Variants in IQGAP2 observed in about 807,000 individuals in gnomAD.
IQGAP2 encodes IQ motif containing GTPase activating protein 2.
Under a neutral mutation model 201.3 loss-of-function variants are expected in IQGAP2, and 173 were observed. The ratio of observed to expected loss-of-function variants is 0.86; its 90% CI spans 0.76 to 0.98. The LOEUF (loss-of-function observed/expected upper bound fraction) is 0.98. Among genes scored for constraint, IQGAP2 ranks in the 50% least tolerant of loss-of-function variants. The pLI is 0.00. For synonymous variants in IQGAP2, 675 were observed against 673.9 expected (o/e 1.00, Z -0.03); for missense variants, 1,687 against 1,864.8 (o/e 0.90, Z 1.76).
rs147926084 is a variant in IQGAP2, at chr5:76,702,052, G to A, written c.4506-430G>A. 5.5e-3 allele frequency: 844 copies of A among 152,680 alleles called. 8 individuals are homozygous for A. Among genetic ancestry groups the A allele is most frequent in the African/African-American group, 0.018 (751 of 41,546 alleles). The allele number at this position is 152,680 out of a possible 1,614,324, so 9.5% of individuals were successfully genotyped here. ...TTTCACCATGTTGGCCAGGTGATCCGCCCGCCTCGGCCTCTGAAAGTGCTG... is the reference window on the plus strand; with the variant it reads ...TTTCACCATGTTGGCCAGGTGATCCACCCGCCTCGGCCTCTGAAAGTGCTG... On this transcript the variant is annotated intron_variant, in intron 34 of 35. Transcript: ENST00000274364.
Position 76,698,085 on chromosome 5 carries a change from T to C in IQGAP2, c.4305T>C (p.Tyr1435=). 2 of 1,612,648 alleles carry C rather than the reference T, an allele frequency of 1.2e-6. No individual in the cohort carries two copies. The highest frequency in any genetic ancestry group is 1.3e-5 in the African/African-American group (1 of 75,034). The stretch of plus-strand genomic sequence containing the variant: ...CACTTAACAAGAAGGCAGCATTTTA[T>C]GAAGAGCAAATCAATTATTATGACA... ...LNALNKKAAF[Y]EEQINYYDTY... is the part of the protein sequence containing the mutation. Residue 1435 remains tyrosine (Y), a synonymous_variant, in exon 33 of 36, where the codon TAT becomes TAC. Coordinates refer to ENST00000274364, the MANE Select transcript of IQGAP2 (RefSeq NM_006633.5).
At chr5:76,697,645 G>T (rs1328638096) in intron 32 of IQGAP2, among the ~76,000 whole-genome samples, 1 of 152,010 alleles carries the variant, frequency 6.6e-6, no homozygotes, top group African/African-American at 2.4e-5. Flanking sequence ...AAAAAAAAAA[G>T]TCTGAAGAAA....
intron 2 of IQGAP2, among the ~76,000 whole-genome samples, chr5:76,533,694 C>A (rs1759457070): frequency 6.6e-6 from 1 of 152,094 alleles, no homozygotes; most frequent in Admixed American, 6.5e-5. Context: ...GCACCCACCA[C>A]ACCTGGCTAA....
chr5:76,455,164 AAC>A (rs1313791011), intron 1 of IQGAP2, among the ~76,000 whole-genome samples: 3 of 152,062 alleles, frequency 2.0e-5, no homozygotes, highest in African/African-American at 7.2e-5. Context: ...AAAACAAATG[AAC>A]AGTCTGATGC....
At chr5:76,426,953 T>C (rs1334402965) in intron 1 of IQGAP2, among the ~76,000 whole-genome samples, 1 of 148,782 alleles carries the variant, frequency 6.7e-6, no homozygotes, top group African/African-American at 2.5e-5. Flanking sequence ...TGCAGGACTT[T>C]ACTGAAAAAT....
At chr5:76,483,752 A>G (rs1239225322) in intron 2 of IQGAP2, among the ~76,000 whole-genome samples, 2 of 152,154 alleles carry the variant, frequency 1.3e-5, no homozygotes, top group Non-Finnish European at 1.5e-5. Flanking sequence ...TAAGTGCCAG[A>G]TTTATAATTT....
intron 21 of IQGAP2, among the ~76,000 whole-genome samples, chr5:76,661,794 T>TA (rs779938453): frequency 4.2e-4 from 64 of 152,154 alleles, no homozygotes; most frequent in Admixed American, 6.5e-4. Flanking sequence ...ACCCATATCT[T>TA]TTATGACTCC....
intron 1 of IQGAP2, among the ~76,000 whole-genome samples, chr5:76,459,865 T>C (rs1463817945): frequency 6.6e-6 from 1 of 152,126 alleles, no homozygotes; most frequent in Non-Finnish European, 1.5e-5. Context: ...AGTCTGGAAC[T>C]CCTGACTCAG....
At chr5:76,652,695 A>T in intron 17 of IQGAP2, 55 bp from the exon 18 acceptor site, 1 of 1,239,494 alleles carries the variant, frequency 8.1e-7, no homozygotes, top group Non-Finnish European at 1.2e-6. Flanking sequence ...TGCACTTCCT[A>T]GATAAATTGG....
In IQGAP2 at chr5:76,671,850, A is replaced by G; in HGVS notation, c.2935A>G (p.Asn979Asp). ...VSFNRGARGQ[N>D]TLRQLLAPVV... Reference sequence around the variant, plus strand: ...CTTCAATAGAGGTGCCCGGGGACAGAACACCCTGCGCCAACTCCTGGCTCC... The same window carrying G: ...CTTCAATAGAGGTGCCCGGGGACAGGACACCCTGCGCCAACTCCTGGCTCC... Residue 979 changes from asparagine to aspartate, a missense_variant, in exon 24 of 36, where the codon AAC (asparagine) becomes GAC (aspartate). Coordinates refer to ENST00000274364, the MANE Select transcript of IQGAP2 (RefSeq NM_006633.5). 6.2e-7 allele frequency: 1 copy of G among 1,614,108 alleles called. No individual in the cohort carries two copies. The highest frequency in any genetic ancestry group is 8.5e-7 in the Non-Finnish European group (1 of 1,180,004).
At chr5:76,413,349 A>T (rs900402167) in intron 1 of IQGAP2, among the ~76,000 whole-genome samples, 2 of 151,568 alleles carry the variant, frequency 1.3e-5, no homozygotes, top group Non-Finnish European at 2.9e-5. Context: ...TTGTATTTTT[A>T]GTAGAGATGG....
chr5:76,465,376 G>T (rs116212546), intron 2 of IQGAP2, among the ~76,000 whole-genome samples: 1 of 152,064 alleles, frequency 6.6e-6, no homozygotes, highest in Non-Finnish European at 1.5e-5. Context: ...GACTTAAAAC[G>T]TTCAACAAAC....
intron 17 of IQGAP2, 59 bp downstream of exon 17, chr5:76,641,162 A>G: frequency 7.5e-7 from 1 of 1,330,914 alleles, no homozygotes. Flanking sequence ...AAAATGTTTT[A>G]TTTGATAATA....
chr5:76,695,987 C>T (rs566963601), intron 32 of IQGAP2, among the ~76,000 whole-genome samples: 3 of 151,762 alleles, frequency 2.0e-5, no homozygotes, highest in South Asian at 2.1e-4. Flanking sequence ...ACTACAGGCA[C>T]GCACCACCAC....
intron 2 of IQGAP2, among the ~76,000 whole-genome samples, chr5:76,469,963 G>A (rs1755014275): frequency 6.6e-6 from 1 of 152,090 alleles, no homozygotes; most frequent in Non-Finnish European, 1.5e-5. Context: ...ATTTTTGAGG[G>A]TCAGAAATCT....
intron 2 of IQGAP2, among the ~76,000 whole-genome samples, chr5:76,488,981 A>T (rs1756349133): frequency 6.6e-6 from 1 of 152,174 alleles, no homozygotes. Flanking sequence ...CCCTTCAGGT[A>T]GGAGGTTCAG....
At chr5:76,699,260 C>G (rs1747040761) in intron 33 of IQGAP2, 1 of 152,160 alleles carries the variant, frequency 6.6e-6, no homozygotes, top group South Asian at 2.1e-4. Flanking sequence ...GCATAGTGTC[C>G]TCTAATTCTG....
At chr5:76,687,039 G>A (rs756845107) in intron 30 of IQGAP2, among the ~76,000 whole-genome samples, 37 of 152,138 alleles carry the variant, frequency 2.4e-4, no homozygotes, top group South Asian at 8.3e-4. Flanking sequence ...TTTGAAATAC[G>A]GAAGTCCTCC....
intron 1 of IQGAP2, among the ~76,000 whole-genome samples, chr5:76,426,454 T>C (rs1752003454): frequency 6.6e-6 from 1 of 152,100 alleles, no homozygotes; most frequent in Non-Finnish European, 1.5e-5. Context: ...AACCAAACAG[T>C]TGGAGAGGAT....
Sources: gnomAD v4.1 joint callset for allele counts (sites outside exome capture counted in the v4.1 genomes callset) on GRCh38, gnomAD v4.1.1 for gene constraint, MANE v1.5 for transcripts, NCBI Gene and HGNC (gene_info 2026-07-23, HGNC 2026-07-21) for gene names.